Variants in SHROOM3 observed in about 807,000 individuals in gnomAD.
SHROOM3 encodes shroom family member 3, also known as protein Shroom3.
SHROOM3 carries 47 observed loss-of-function variants against 138.6 expected under a neutral mutation model. The observed-to-expected ratio is 0.34, with a 90% CI of 0.27 to 0.43. The LOEUF (loss-of-function observed/expected upper bound fraction) is 0.43. Ranked by LOEUF, SHROOM3 falls within the 20% of genes least tolerant of loss-of-function variation. The pLI is 1.00. For missense variants in SHROOM3, 2,491 were observed against 2,596.5 expected (o/e 0.96, Z 0.88); for synonymous variants, 1,062 against 1,063.3 (o/e 1.00, Z 0.02).
Position 76,555,042 on chromosome 4 carries a change from C to G in SHROOM3, c.169-567C>G, listed in dbSNP as rs565382243. Among the ~76,000 whole-genome samples, 6 of 151,316 alleles carry G rather than the reference C, an allele frequency of 4.0e-5. No homozygotes were observed. In the South Asian group the frequency reaches 1.1e-3, roughly 27 times the overall value. On this transcript the variant is annotated intron_variant, in intron 1 of 10. Transcript: ENST00000296043. Reference sequence around the variant, plus strand: ...CGCCCCCAGTGGGACCATCTAGTTGCGGGAAACAAGCTCAGGGCTCCGCTG... The same window carrying G: ...CGCCCCCAGTGGGACCATCTAGTTGGGGGAAACAAGCTCAGGGCTCCGCTG...
At chr4:76,584,825 C>CTGGG (rs1013547661) in intron 2 of SHROOM3, among the ~76,000 whole-genome samples, 1 of 151,920 alleles carries the variant, frequency 6.6e-6, no homozygotes, top group African/African-American at 2.4e-5. Context: ...AAACATAAAG[C>CTGGG]TGGGATAAGA....
At chr4:76,706,581 A>G (rs1036112607) in intron 2 of SHROOM3, among the ~76,000 whole-genome samples, 10 of 152,152 alleles carry the variant, frequency 6.6e-5, no homozygotes, top group African/African-American at 2.4e-4. Context: ...GGTGGCAGAG[A>G]TGGACGAAGA....
At chr4:76,585,089 C>T (rs1560554576) in intron 2 of SHROOM3, among the ~76,000 whole-genome samples, 1 of 152,158 alleles carries the variant, frequency 6.6e-6, no homozygotes. Context: ...AAATTAGTAT[C>T]ACCTTTGAAA....
intron 2 of SHROOM3, among the ~76,000 whole-genome samples, chr4:76,594,338 T>C (rs894228442): frequency 1.3e-5 from 2 of 152,184 alleles, no homozygotes; most frequent in African/African-American, 2.4e-5. Flanking sequence ...AACCTATTGA[T>C]ACCAGTGCCT....
chr4:76,482,730 C>T (rs888694273), intron 1 of SHROOM3, among the ~76,000 whole-genome samples: 9 of 152,116 alleles, frequency 5.9e-5, no homozygotes, highest in East Asian at 3.8e-4. Context: ...GGAGGCATCA[C>T]GCTACCTAAC....
At position 76,740,348 on chromosome 4, in the gene SHROOM3, C is replaced by CGAG. The variant is rs1337238150; in HGVS notation, c.2177_2179dup (p.Glu726dup). ...ACCGGCAGGTTTCCTACCCGCGGCC[C>CGAG]GAGGGGAGGACCGGTGCCTCGGCTT... On this transcript the variant is annotated inframe_insertion, in exon 5 of 11. Transcript: ENST00000296043. This position sits in a 1 kb window ranked among gnomAD's most constrained non-coding sequence, Gnocchi z 4.0. 1.2e-6 allele frequency: 2 copies of CGAG among 1,612,948 alleles called. No homozygotes were observed. The highest frequency in any genetic ancestry group is 2.2e-5 in the South Asian group (2 of 91,088).
intron 1 of SHROOM3, among the ~76,000 whole-genome samples, chr4:76,459,923 A>G (rs928297160): frequency 4.6e-5 from 7 of 152,262 alleles, no homozygotes; most frequent in South Asian, 2.1e-4. Flanking sequence ...CCTCGTCTAC[A>G]AAGTATGGAT....
At chr4:76,652,386 C>T (rs989073633) in intron 2 of SHROOM3, among the ~76,000 whole-genome samples, 2 of 152,152 alleles carry the variant, frequency 1.3e-5, no homozygotes, top group Admixed American at 1.3e-4. Context: ...GTCATGGTGG[C>T]GGCTTTAGAA....
chr4:76,697,976 A>G (rs781551392), intron 2 of SHROOM3, among the ~76,000 whole-genome samples: 5 of 152,242 alleles, frequency 3.3e-5, no homozygotes, highest in Non-Finnish European at 5.9e-5. Context: ...GTAGAAAATC[A>G]GCCCATGGAA....
chr4:76,781,026 C>T lies in SHROOM3; in HGVS notation c.*1849C>T, dbSNP rs1466976108. ...TACAGTTATTCTTAGTGAAATTCCT[C>T]AGAGGAATCCAGGGGGCTCCCAGTT... On this transcript the variant is annotated 3_prime_UTR_variant, in exon 11 of 11. Coordinates refer to ENST00000296043, the MANE Select transcript of SHROOM3 (RefSeq NM_020859.4). The T allele has an allele frequency of 1.3e-5, 2 of 152,208 alleles. No individual in the cohort carries two copies. The highest frequency in any genetic ancestry group is 2.9e-5 in the Non-Finnish European group (2 of 68,056). The allele number at this position is 152,208 out of a possible 1,614,324, so 9.4% of individuals were successfully genotyped here.
At chr4:76,521,694 AGTTGTACAT>A (rs1482160928) in intron 1 of SHROOM3, among the ~76,000 whole-genome samples, 1 of 152,224 alleles carries the variant, frequency 6.6e-6, no homozygotes, top group Non-Finnish European at 1.5e-5. Context: ...ATTAATCAGA[AGTTGTACAT>A]GTTGCCAAAT....
chr4:76,710,240 C>G lies in SHROOM3; in HGVS notation c.408C>G (p.His136Gln), dbSNP rs746747130. 5.0e-6 allele frequency: 8 copies of G among 1,614,134 alleles called. No individual in the cohort carries two copies. Among genetic ancestry groups the G allele is most frequent in the Non-Finnish European group, 6.8e-6 (8 of 1,180,006 alleles). The change falls in exon 3 of 11, where the codon CAC becomes CAG. Residue 136 changes from histidine to glutamine, a missense_variant. Physicochemically the swap from His to Gln is conservative, Grantham distance 24 (BLOSUM62 0). Coordinates refer to ENST00000296043, the MANE Select transcript of SHROOM3 (RefSeq NM_020859.4). ...AACACCTCACCTCTGGCCCCCAGCA[C>G]AGGAAAGCAGCGTGGTCAGGAGGGG... ...SPEHLTSGPQ[H>Q]RKAAWSGGVK...
rs923215297 is a variant in SHROOM3, at chr4:76,664,186, T to G, written c.324-45970T>G. Reference sequence around the variant, plus strand: ...TCCTGGCTGTCAGCATTCATGTAATTTCAAAAAGTATCCCTTTCCTTATGT... The same window carrying G: ...TCCTGGCTGTCAGCATTCATGTAATGTCAAAAAGTATCCCTTTCCTTATGT... On this transcript the variant is annotated intron_variant, in intron 2 of 10. Transcript: ENST00000296043. The surrounding 1 kb of genome is among the most constrained non-coding windows in gnomAD (Gnocchi z 4.2). Among the ~76,000 whole-genome samples, 2 of 152,156 alleles carry G rather than the reference T, an allele frequency of 1.3e-5. No homozygotes were observed. The highest frequency in any genetic ancestry group is 4.8e-5 in the African/African-American group (2 of 41,434).
intron 1 of SHROOM3, among the ~76,000 whole-genome samples, chr4:76,468,126 G>A (rs1393245923): frequency 6.6e-6 from 1 of 152,194 alleles, no homozygotes; most frequent in Non-Finnish European, 1.5e-5. Flanking sequence ...CAGAGTAATA[G>A]GACTTCATCA....
At chr4:76,566,785 A>G (rs1733733831) in intron 2 of SHROOM3, among the ~76,000 whole-genome samples, 1 of 152,126 alleles carries the variant, frequency 6.6e-6, no homozygotes, top group South Asian at 2.1e-4. Flanking sequence ...TTTTCCTTTG[A>G]TCATTGTTTA....
At chr4:76,487,237 A>G (rs1048921571) in intron 1 of SHROOM3, among the ~76,000 whole-genome samples, 2 of 152,208 alleles carry the variant, frequency 1.3e-5, no homozygotes, top group African/African-American at 4.8e-5. Context: ...TAGTGTTTTC[A>G]AGGTTTATCC....
At chr4:76,668,697 G>A (rs1718791173) in intron 2 of SHROOM3, among the ~76,000 whole-genome samples, 1 of 152,196 alleles carries the variant, frequency 6.6e-6, no homozygotes, top group African/African-American at 2.4e-5. Context: ...ATTCCGATTT[G>A]ACAGGCAACA....
intron 2 of SHROOM3, among the ~76,000 whole-genome samples, chr4:76,581,227 C>G (rs1734047769): frequency 6.6e-6 from 1 of 152,152 alleles, no homozygotes; most frequent in African/African-American, 2.4e-5. Flanking sequence ...CCTTTAATTG[C>G]TACCTTCTGG....
At chr4:76,608,561 A>G (rs372876946) in intron 2 of SHROOM3, among the ~76,000 whole-genome samples, 384 of 144,462 alleles carry the variant, frequency 2.7e-3, no homozygotes, top group Middle Eastern at 6.9e-3. Context: ...ATAGCATAGC[A>G]TAGCATAGCA....
Sources: gnomAD v4.1 joint callset for allele counts (sites outside exome capture counted in the v4.1 genomes callset) on GRCh38, gnomAD v4.1.1 for gene constraint, Gnocchi (gnomAD v3.1) non-coding constraint, MANE v1.5 for transcripts, NCBI Gene and HGNC (gene_info 2026-07-23, HGNC 2026-07-21) for gene names.